Variants in RFX4 observed in about 807,000 individuals in gnomAD.
RFX4 encodes transcription factor RFX4.
Under a neutral mutation model 95.0 loss-of-function variants are expected in RFX4, and 10 were observed. That is an observed-to-expected ratio of 0.11 (90% CI 0.06 to 0.18). RFX4 has a LOEUF of 0.18. RFX4 is among the 10% of genes least tolerant of loss of function. The pLI is 1.00. For missense variants in RFX4, 640 were observed against 922.0 expected, an observed-to-expected ratio of 0.69 and a Z score of 3.96; for synonymous variants, 321 against 340.7, an observed-to-expected ratio of 0.94 and a Z score of 0.64.
At chr12:106,648,322 G>A (rs1380267852) in intron 3 of RFX4, among the ~76,000 whole-genome samples, 5 of 152,092 alleles carry the variant, frequency 3.3e-5, no homozygotes, top group Non-Finnish European at 5.9e-5. Flanking sequence ...CTCAGGAGCA[G>A]GAAACGATCC....
At chr12:106,706,420 C>T (rs2042087167) in intron 8 of RFX4, among the ~76,000 whole-genome samples, 2 of 152,198 alleles carry the variant, frequency 1.3e-5, no homozygotes, top group South Asian at 4.1e-4. Context: ...ACTGTAAGTC[C>T]GGATGAGAGA....
chr12:106,645,852 GCT>G, intron 3 of RFX4: 1 of 1,254,186 alleles, frequency 8.0e-7, no homozygotes, highest in African/African-American at 1.5e-5. Flanking sequence ...AACACTTTTA[GCT>G]CTGAACACAA....
At chr12:106,673,673 G>A (rs1426681474) in intron 4 of RFX4, among the ~76,000 whole-genome samples, 1 of 152,168 alleles carries the variant, frequency 6.6e-6, no homozygotes, top group African/African-American at 2.4e-5. Flanking sequence ...ATCACGAGGA[G>A]GAAATCCCAA....
chr12:106,718,806 T>C (rs2042340260), intron 11 of RFX4, among the ~76,000 whole-genome samples: 1 of 152,140 alleles, frequency 6.6e-6, no homozygotes, highest in Non-Finnish European at 1.5e-5. Context: ...TCTAGAGCAC[T>C]TCATTGATTA....
In RFX4 at chr12:106,699,341, T is replaced by C. The variant is rs144054834; in HGVS notation, c.833+2895T>C. Among the ~76,000 whole-genome samples the C allele has an allele frequency of 1.1e-3, 163 of 152,304 alleles. 2 individuals are homozygous for C. The highest frequency in any genetic ancestry group is 6.2e-3 in the East Asian group (32 of 5,188). On this transcript the variant is annotated intron_variant, in intron 8 of 17. Transcript: ENST00000392842. Reference sequence around the variant, plus strand: ...CTCCAGAATGTGGCCTATTGGTGAATGTTCTATGTGTACCTGAAAAAGCTA... The same window carrying C: ...CTCCAGAATGTGGCCTATTGGTGAACGTTCTATGTGTACCTGAAAAAGCTA...
chr12:106,638,526 T>C (rs2040558596), intron 2 of RFX4, among the ~76,000 whole-genome samples: 1 of 152,218 alleles, frequency 6.6e-6, no homozygotes, highest in Non-Finnish European at 1.5e-5. Flanking sequence ...CTCTGCTTCA[T>C]TGGGGTTACA....
chr12:106,611,409 CT>C (rs143279981), intron 2 of RFX4, among the ~76,000 whole-genome samples: 11 of 145,418 alleles, frequency 7.6e-5, no homozygotes, highest in South Asian at 2.2e-4. Context: ...AAGTTTTCGC[CT>C]TTTTTTTTTC....
intron 3 of RFX4, chr12:106,645,960 T>C: frequency 5.4e-6 from 7 of 1,288,824 alleles, no homozygotes; most frequent in Non-Finnish European, 7.1e-6. Flanking sequence ...GACAACCCAA[T>C]GCCAAGGGCA....
chr12:106,734,512 C>T (rs568391763), intron 15 of RFX4, among the ~76,000 whole-genome samples: 4 of 151,812 alleles, frequency 2.6e-5, no homozygotes, highest in Admixed American at 2.6e-4. Context: ...AGGAGACTCG[C>T]TTGAACCCAG....
intron 2 of RFX4, among the ~76,000 whole-genome samples, chr12:106,627,542 A>AAAAAC (rs560560572): frequency 8.5e-5 from 13 of 152,196 alleles, no homozygotes; most frequent in Admixed American, 2.6e-4. Context: ...CGTCTCAGAA[A>AAAAAC]AAAACAAAAC....
chr12:106,639,291 G>C (rs756277865), intron 2 of RFX4, 41 bp from the exon 3 acceptor site: 23 of 1,570,682 alleles, frequency 1.5e-5, no homozygotes, highest in African/African-American at 1.4e-5. Context: ...TTTTCCTACT[G>C]TTTCCTACTG....
intron 8 of RFX4, among the ~76,000 whole-genome samples, chr12:106,706,452 A>G (rs1278170163): frequency 6.6e-6 from 1 of 152,182 alleles, no homozygotes; most frequent in African/African-American, 2.4e-5. Context: ...TGAACTAGGG[A>G]GAAAAGGGAG....
chr12:106,703,452 T>G (rs773660957), intron 8 of RFX4, among the ~76,000 whole-genome samples: 4 of 152,228 alleles, frequency 2.6e-5, no homozygotes, highest in Non-Finnish European at 4.4e-5. Flanking sequence ...ATAATATGTA[T>G]ATGTCTATAT....
intron 1 of RFX4, among the ~76,000 whole-genome samples, chr12:106,596,207 C>T (rs1361726865): frequency 6.6e-6 from 1 of 152,172 alleles, no homozygotes; most frequent in African/African-American, 2.4e-5. Flanking sequence ...GATTGAATCA[C>T]AGGAGCAGGT....
intron 7 of RFX4, among the ~76,000 whole-genome samples, chr12:106,692,333 G>A (rs759541623): frequency 1.3e-5 from 2 of 152,128 alleles, no homozygotes; most frequent in Non-Finnish European, 2.9e-5. Flanking sequence ...GATTTGTTTT[G>A]CTACAAGATG....
intron 15 of RFX4, among the ~76,000 whole-genome samples, chr12:106,738,102 CA>C (rs2042745153): frequency 6.6e-6 from 1 of 152,162 alleles, no homozygotes; most frequent in Non-Finnish European, 1.5e-5. Flanking sequence ...GATTATTGGG[CA>C]ACCATCCTGA....
rs976272602 is a variant in RFX4, at chr12:106,738,886, T to C, written c.1633+5801T>C. Among the ~76,000 whole-genome samples, 3 of 152,216 alleles carry C rather than the reference T, an allele frequency of 2.0e-5. No individual in the cohort carries two copies. In the East Asian group the frequency reaches 5.8e-4, roughly 29 times the overall value. ...TAGGAAATCTATTACGGTAGGCTTCTTAAATTTTCATTGAACAATAGTGTA... is the reference window on the plus strand; with the variant it reads ...TAGGAAATCTATTACGGTAGGCTTCCTAAATTTTCATTGAACAATAGTGTA... On this transcript the variant is annotated intron_variant, in intron 15 of 17. Transcript: ENST00000392842.
chr12:106,612,283 GCAA>G (rs2039976287), intron 2 of RFX4, among the ~76,000 whole-genome samples: 1 of 152,134 alleles, frequency 6.6e-6, no homozygotes, highest in Non-Finnish European at 1.5e-5. Context: ...GTTTCTTTCA[GCAA>G]CAACATTTAC....
At chr12:106,701,647 T>C (rs1434752421) in intron 8 of RFX4, among the ~76,000 whole-genome samples, 1 of 152,242 alleles carries the variant, frequency 6.6e-6, no homozygotes, top group African/African-American at 2.4e-5. Context: ...GCTATGCCAA[T>C]GCTACTAATG....
Sources: gnomAD v4.1 joint callset for allele counts (sites outside exome capture counted in the v4.1 genomes callset) on GRCh38, gnomAD v4.1.1 for gene constraint, MANE v1.5 for transcripts, NCBI Gene and HGNC (gene_info 2026-07-23, HGNC 2026-07-21) for gene names.